Variants in ALK observed in about 807,000 individuals in gnomAD.
The protein encoded by ALK is ALK tyrosine kinase receptor.
A neutral mutation model predicts 163.1 loss-of-function variants in ALK; 74 were observed. The observed-to-expected ratio is 0.45, with a 90% CI of 0.38 to 0.55. ALK has a LOEUF of 0.55. ALK is among the 20% of genes least tolerant of loss of function. The probability of loss-of-function intolerance (pLI) is 0.00; values close to 1 mark genes in which losing one functional copy is unlikely to be tolerated. For missense variants in ALK, 2,063 were observed against 2,105.3 expected (o/e 0.98, Z 0.39); for synonymous variants, 960 against 843.2 (o/e 1.14, Z -2.40).
At chr2:29,599,708 CTATT>C (rs1675322034) in intron 3 of ALK, among the ~76,000 whole-genome samples, 1 of 152,148 alleles carries the variant, frequency 6.6e-6, no homozygotes, top group South Asian at 2.1e-4. Context: ...AGGTAGAAAA[CTATT>C]TAAGTGTAAA....
chr2:29,859,028 G>C (rs1666215924), intron 1 of ALK, among the ~76,000 whole-genome samples: 1 of 99,930 alleles, frequency 1.0e-5, no homozygotes, highest in Admixed American at 1.1e-4. Context: ...GCAAGACTCT[G>C]TCTCAAAAAA....
At chr2:29,910,758 G>A (rs923511299) in intron 1 of ALK, among the ~76,000 whole-genome samples, 1 of 152,144 alleles carries the variant, frequency 6.6e-6, no homozygotes, top group Non-Finnish European at 1.5e-5. Context: ...TTTCTGAAAT[G>A]AAAGCAAAAT....
At chr2:29,559,967 C>T (rs1477024297) in intron 3 of ALK, among the ~76,000 whole-genome samples, 2 of 152,132 alleles carry the variant, frequency 1.3e-5, no homozygotes, top group Non-Finnish European at 2.9e-5. Context: ...ATAATATACA[C>T]ACCAGATTTT....
intron 3 of ALK, among the ~76,000 whole-genome samples, chr2:29,620,682 CT>C (rs905007970): frequency 4.8e-4 from 73 of 152,252 alleles, no homozygotes; most frequent in Non-Finnish European, 9.0e-4. Context: ...GGTAGGACCC[CT>C]TCCAGCTCTA....
intron 4 of ALK, among the ~76,000 whole-genome samples, chr2:29,509,686 T>C (rs1201629024): frequency 6.6e-6 from 1 of 152,236 alleles, no homozygotes; most frequent in Non-Finnish European, 1.5e-5. Flanking sequence ...TTTCTTAACA[T>C]GTCTCTCTTC....
intron 5 of ALK, among the ~76,000 whole-genome samples, chr2:29,378,771 A>T (rs1668820469): frequency 6.8e-6 from 1 of 147,144 alleles, no homozygotes; most frequent in Admixed American, 6.8e-5. Context: ...GCTGGAGTGC[A>T]GTGGTGCCAT....
chr2:29,249,544 G>A (rs1664764151), intron 12 of ALK, among the ~76,000 whole-genome samples: 1 of 152,126 alleles, frequency 6.6e-6, no homozygotes, highest in Admixed American at 6.5e-5. Flanking sequence ...CACAGACTTT[G>A]AGCCAGAGCA....
intron 24 of ALK, 23 bp from the exon 25 acceptor site, chr2:29,209,901 T>A (rs1298727435): frequency 1.3e-5 from 20 of 1,598,110 alleles, no homozygotes; most frequent in Non-Finnish European, 1.6e-5. Flanking sequence ...GAAATGCATT[T>A]CCTAATTTTA....
intron 1 of ALK, among the ~76,000 whole-genome samples, chr2:29,893,787 G>A (rs1667204507): frequency 6.6e-6 from 1 of 152,110 alleles, no homozygotes; most frequent in South Asian, 2.1e-4. Context: ...CAAGAACAGT[G>A]GCTCAAGAAG....
chr2:29,901,312 T>C (rs1243975045), intron 1 of ALK, among the ~76,000 whole-genome samples: 1 of 152,202 alleles, frequency 6.6e-6, no homozygotes, highest in Non-Finnish European at 1.5e-5. Flanking sequence ...CAATCCCCCT[T>C]CTCATCATTG....
chr2:29,207,401 C>G, intron 25 of ALK, 129 bp from the exon 26 acceptor site: 1 of 747,726 alleles, frequency 1.3e-6, no homozygotes, highest in Non-Finnish European at 2.4e-6. Context: ...ACCATGAGTC[C>G]TTGGCGGTTC....
intron 1 of ALK, among the ~76,000 whole-genome samples, chr2:29,792,201 C>CT (rs202009633): frequency 0.017 from 2,544 of 152,266 alleles, 44 homozygotes; most frequent in South Asian, 0.052. Flanking sequence ...TTTTATAAAG[C>CT]TTTCATTCTT....
intron 3 of ALK, among the ~76,000 whole-genome samples, chr2:29,641,770 G>A (rs17008374): frequency 0.014 from 2,153 of 152,230 alleles, 43 homozygotes; most frequent in African/African-American, 0.04. Context: ...TGGCTTTAAA[G>A]GGGAACCTTC....
chr2:29,682,322 C>T (rs1238391559), intron 3 of ALK, among the ~76,000 whole-genome samples: 1 of 152,200 alleles, frequency 6.6e-6, no homozygotes, highest in Non-Finnish European at 1.5e-5. Flanking sequence ...AGCACTGAGA[C>T]TCCTGTCTTC....
At chr2:29,265,292 A>C (rs1665192912) in intron 11 of ALK, among the ~76,000 whole-genome samples, 2 of 152,176 alleles carry the variant, frequency 1.3e-5, no homozygotes. Context: ...TGCTGGGATT[A>C]CAGGCATGAG....
chr2:29,590,845 G>A (rs560637808), intron 3 of ALK, among the ~76,000 whole-genome samples: 32 of 151,916 alleles, frequency 2.1e-4, no homozygotes, highest in African/African-American at 7.2e-4. Context: ...GCCGAGACGG[G>A]CGGATCACGA....
At chr2:29,670,106 G>C (rs1677636941) in intron 3 of ALK, among the ~76,000 whole-genome samples, 1 of 151,900 alleles carries the variant, frequency 6.6e-6, no homozygotes, top group African/African-American at 2.4e-5. Context: ...TTTTACCAGT[G>C]GGTTTTTCAC....
At chr2:29,857,888 T>A (rs1282292966) in intron 1 of ALK, among the ~76,000 whole-genome samples, 3 of 152,146 alleles carry the variant, frequency 2.0e-5, no homozygotes, top group Admixed American at 6.5e-5. Flanking sequence ...CATGCAGTTG[T>A]GAGAAATAGC....
At chr2:29,665,811 T>G (rs1434118748) in intron 3 of ALK, among the ~76,000 whole-genome samples, 1 of 152,122 alleles carries the variant, frequency 6.6e-6, no homozygotes, top group African/African-American at 2.4e-5. Context: ...TACGTAGACT[T>G]GCTAGCTTTC....
Sources: gnomAD v4.1 joint callset for allele counts (sites outside exome capture counted in the v4.1 genomes callset) on GRCh38, gnomAD v4.1.1 for gene constraint, MANE v1.5 for transcripts, NCBI Gene and HGNC (gene_info 2026-07-23, HGNC 2026-07-21) for gene names.